The following SCFD2 variants were observed in gnomAD, a reference collection of about 807,000 sequenced individuals.
SCFD2 encodes sec1 family domain containing 2.
SCFD2 carries 54 observed loss-of-function variants against 58.9 expected under a neutral mutation model. The ratio of observed to expected loss-of-function variants is 0.92; its 90% confidence interval spans 0.74 to 1.15. SCFD2 has a LOEUF of 1.15. Among genes scored for constraint, SCFD2 ranks in the 50% most tolerant of loss-of-function variants. The pLI is 0.00. For synonymous variants in SCFD2, 321 were observed against 335.9 expected (o/e 0.96, Z 0.49); for missense variants, 805 against 836.6 (o/e 0.96, Z 0.47).
At chr4:53,254,773 C>CA in intron 4 of SCFD2, among the ~76,000 whole-genome samples, 1 of 151,636 alleles carries the variant, frequency 6.6e-6, no homozygotes, top group Non-Finnish European at 1.5e-5. Context: ...CTGGTGCCAT[C>CA]AGGGAAGCAA....
chr4:53,010,787 C>T (rs562068533), intron 5 of SCFD2, among the ~76,000 whole-genome samples: 67 of 152,212 alleles, frequency 4.4e-4, no homozygotes, highest in Non-Finnish European at 8.7e-4. Context: ...GGCTGGGGGG[C>T]GCGGTCCAGC....
rs114555119 is a variant in SCFD2 at position 53,082,769 on chromosome 4, G to A, written c.1561+62564C>T. Among the ~76,000 whole-genome samples, 909 of 152,128 alleles carry A rather than the reference G, an allele frequency of 6.0e-3. 4 individuals carry two copies. Among genetic ancestry groups the A allele is most frequent in the Non-Finnish European group, 8.7e-3 (591 of 67,974 alleles). ...AAATTTGAGATATCCATCTTCTCTGGCCCACAGACATCAGTGCTCCTGATT... is the reference window on the plus strand; with the variant it reads ...AAATTTGAGATATCCATCTTCTCTGACCCACAGACATCAGTGCTCCTGATT... On this transcript the variant is annotated intron_variant, in intron 5 of 8. Coordinates refer to ENST00000401642, the MANE Select transcript of SCFD2 (RefSeq NM_152540.4).
intron 2 of SCFD2, among the ~76,000 whole-genome samples, chr4:53,351,767 G>A (rs934367435): frequency 1.2e-4 from 18 of 152,128 alleles, no homozygotes; most frequent in Non-Finnish European, 2.5e-4. Flanking sequence ...TATCCAATAA[G>A]TATTCTTAAA....
At chr4:53,214,118 G>A (rs191595214) in intron 4 of SCFD2, among the ~76,000 whole-genome samples, 35 of 152,148 alleles carry the variant, frequency 2.3e-4, no homozygotes, top group Non-Finnish European at 4.3e-4. Context: ...GTAAACATAC[G>A]TGTGCATGTG....
At chr4:52,882,907 T>A (rs1207021691) in intron 8 of SCFD2, among the ~76,000 whole-genome samples, 2 of 152,164 alleles carry the variant, frequency 1.3e-5, no homozygotes, top group African/African-American at 4.8e-5. Context: ...CAAATCCTCA[T>A]CCTGGGAGAT....
chr4:52,924,749 T>C (rs970890737), intron 5 of SCFD2, among the ~76,000 whole-genome samples: 5 of 152,144 alleles, frequency 3.3e-5, no homozygotes, highest in Admixed American at 6.5e-5. Flanking sequence ...TTTAGAAATA[T>C]GGATCAGTCA....
At chr4:53,240,383 G>A (rs1382943909) in intron 4 of SCFD2, among the ~76,000 whole-genome samples, 1 of 152,162 alleles carries the variant, frequency 6.6e-6, no homozygotes, top group Non-Finnish European at 1.5e-5. Context: ...GGACATATCA[G>A]AATCAATGAA....
intron 3 of SCFD2, among the ~76,000 whole-genome samples, chr4:53,290,558 A>C (rs540294129): frequency 6.6e-6 from 1 of 152,252 alleles, no homozygotes; most frequent in African/African-American, 2.4e-5. Flanking sequence ...TACCTCAAGT[A>C]ACCAGTTAAA....
Position 53,283,987 on chromosome 4 carries a change from C to T in SCFD2, c.1136-9986G>A, listed in dbSNP as rs570476075. 7.7e-3 allele frequency among the ~76,000 whole-genome samples: 1,167 copies of T among 151,218 alleles called. 11 individuals carry two copies. The highest frequency in any genetic ancestry group is 0.027 in the African/African-American group (1,118 of 41,230). On this transcript the variant is annotated intron_variant, in intron 3 of 8. Coordinates refer to ENST00000401642, the MANE Select transcript of SCFD2 (RefSeq NM_152540.4). The stretch of plus-strand genomic sequence containing the variant: ...CAAAAAAATTAGCCAGGCGTGGTGG[C>T]GGGCGCCTGTAGTCCCAGCTACTCG...
chr4:53,006,852 C>A (rs62336844), intron 5 of SCFD2, among the ~76,000 whole-genome samples: 5,656 of 152,178 alleles, frequency 0.037, 112 homozygotes, highest in Middle Eastern at 0.048. Context: ...GGGTAGAGGC[C>A]CTCACAAGTG....
At chr4:53,008,294 A>G (rs1007656437) in intron 5 of SCFD2, among the ~76,000 whole-genome samples, 1 of 152,184 alleles carries the variant, frequency 6.6e-6, no homozygotes, top group African/African-American at 2.4e-5. Context: ...ACCATAGGGC[A>G]AGAGAGCCTA....
At chr4:52,932,952 T>C (rs1310963098) in intron 5 of SCFD2, among the ~76,000 whole-genome samples, 1 of 152,142 alleles carries the variant, frequency 6.6e-6, no homozygotes, top group East Asian at 1.9e-4. Context: ...TGATTCAGAG[T>C]TGGGACACAG....
intron 5 of SCFD2, among the ~76,000 whole-genome samples, chr4:52,925,671 T>C (rs1719847501): frequency 6.6e-6 from 1 of 152,154 alleles, no homozygotes; most frequent in South Asian, 2.1e-4. Context: ...CGGCCTTTTG[T>C]AAGGAAAGTT....
chr4:53,140,392 A>AAAATATATATATATAGATATATATATAT (rs369140110), intron 5 of SCFD2, among the ~76,000 whole-genome samples: 1 of 97,496 alleles, frequency 1.0e-5, no homozygotes, highest in African/African-American at 4.2e-5. Context: ...CAAAAATGCT[A>AAAATATATATATATAGATATATATATAT]ATATATATAT....
chr4:52,978,900 A>C (rs534950121), intron 5 of SCFD2, among the ~76,000 whole-genome samples: 36 of 152,240 alleles, frequency 2.4e-4, no homozygotes, highest in African/African-American at 7.0e-4. Context: ...AAATGTGTTT[A>C]GCCAGTGTAA....
chr4:53,145,501 C>T lies in SCFD2; in HGVS notation c.1393G>A (p.Asp465Asn). ...IKPVTQRTNE[D>N]YSPEELLILL... ...ATCAGCAGTTCCTCAGGGCTGTAGT[C>T]CTCGTTGGTTCTCTGGGTTACAGGC... is the stretch of plus-strand genomic sequence containing the variant. Residue 465 changes from aspartate to asparagine, a missense_variant, in exon 5 of 9, where the codon GAC (aspartate) becomes AAC (asparagine). By Grantham distance (23) the Asp-to-Asn change is conservative. Coordinates refer to ENST00000401642, the MANE Select transcript of SCFD2 (RefSeq NM_152540.4). 1.2e-6 allele frequency: 2 copies of T among 1,614,152 alleles called. No individual in the cohort carries two copies. Among genetic ancestry groups the T allele is most frequent in the East Asian group, 2.2e-5 (1 of 44,882 alleles).
chr4:53,363,488 C>A (rs1734605483), intron 1 of SCFD2, among the ~76,000 whole-genome samples: 1 of 151,516 alleles, frequency 6.6e-6, no homozygotes, highest in Admixed American at 6.6e-5. Context: ...TACTTGACTA[C>A]ATTATATTGT....
At chr4:53,214,713 A>T (rs1728752542) in intron 4 of SCFD2, among the ~76,000 whole-genome samples, 2 of 152,158 alleles carry the variant, frequency 1.3e-5, no homozygotes, top group African/African-American at 4.8e-5. Flanking sequence ...TGTTTTAGAC[A>T]TGAAGTCCTT....
At chr4:53,013,655 T>C (rs1722147322) in intron 5 of SCFD2, among the ~76,000 whole-genome samples, 1 of 152,236 alleles carries the variant, frequency 6.6e-6, no homozygotes. Context: ...TAAGGTAGTT[T>C]TATAACATTT....
Sources: gnomAD v4.1 joint callset for allele counts (sites outside exome capture counted in the v4.1 genomes callset) on GRCh38, gnomAD v4.1.1 for gene constraint, MANE v1.5 for transcripts, NCBI Gene and HGNC (gene_info 2026-07-23, HGNC 2026-07-21) for gene names.